The following CFAP58 variants were observed in gnomAD, a reference collection of about 807,000 sequenced individuals.
The protein encoded by CFAP58 is cilia- and flagella-associated protein 58.
A neutral mutation model predicts 119.5 loss-of-function variants in CFAP58; 88 were observed. The observed-to-expected ratio is 0.74, with a 90% CI of 0.62 to 0.88. CFAP58 has a LOEUF of 0.88. Among genes scored for constraint, CFAP58 ranks in the 40% least tolerant of loss-of-function variants. The pLI is 0.00. For missense variants in CFAP58, 990 were observed against 1,021.2 expected, an observed-to-expected ratio of 0.97 and a Z score of 0.42; for synonymous variants, 365 against 366.3, an observed-to-expected ratio of 1.00 and a Z score of 0.04.
chr10:104,378,898 A>G (rs964826713), intron 8 of CFAP58, among the ~76,000 whole-genome samples: 3 of 149,512 alleles, frequency 2.0e-5, no homozygotes, highest in Non-Finnish European at 4.4e-5. Flanking sequence ...AGCATCAGAA[A>G]TCTCCAGTGC....
chr10:104,433,252 T>G (rs2133081567), intron 15 of CFAP58, among the ~76,000 whole-genome samples: 1 of 152,336 alleles, frequency 6.6e-6, no homozygotes, highest in East Asian at 1.9e-4. Context: ...TGCCACAGCA[T>G]GTGCCTAATT....
At chr10:104,373,173 T>G (rs569417994) in intron 7 of CFAP58, among the ~76,000 whole-genome samples, 23 of 152,036 alleles carry the variant, frequency 1.5e-4, no homozygotes, top group African/African-American at 5.5e-4. Flanking sequence ...TACCAAGATA[T>G]CTGCAAGATC....
At chr10:104,350,928 C>T (rs1360035090), upstream of CFAP58, among the ~76,000 whole-genome samples, 1 of 152,204 alleles carries the variant, frequency 6.6e-6, no homozygotes, top group Non-Finnish European at 1.5e-5. Flanking sequence ...ATCCCTTGGA[C>T]ATGGGAAGAC....
At chr10:104,418,470 C>T (rs1039414556) in intron 15 of CFAP58, among the ~76,000 whole-genome samples, 3 of 152,178 alleles carry the variant, frequency 2.0e-5, no homozygotes, top group African/African-American at 7.2e-5. Flanking sequence ...ATGGAGTGAA[C>T]CCAGGAGGCG....
chr10:104,440,394 C>A (rs2013018717), intron 15 of CFAP58, among the ~76,000 whole-genome samples: 1 of 152,050 alleles, frequency 6.6e-6, no homozygotes, highest in Non-Finnish European at 1.5e-5. Context: ...GAATCCATTC[C>A]TGTGTTCCCG....
rs146328110 is a variant in CFAP58, at chr10:104,388,268, C to T, written c.1366-3965C>T. ...AAAGTACTAGTATTATGTAACGTGA[C>T]GTAGTGTAAACTATCATAATAATTT... On this transcript the variant is annotated intron_variant, in intron 9 of 17. Transcript: ENST00000369704. Among the ~76,000 whole-genome samples, 5 of 152,218 alleles carry T rather than the reference C, an allele frequency of 3.3e-5. No homozygotes were observed. The East Asian group carries it at 7.7e-4, about 23-fold the overall frequency.
At chr10:104,349,722 A>T (rs17116951), upstream of CFAP58, among the ~76,000 whole-genome samples, 1,658 of 152,310 alleles carry the variant, frequency 0.011, 36 homozygotes, top group African/African-American at 0.038. Flanking sequence ...TGACTAGGCC[A>T]TTAGTTACCA....
intron 15 of CFAP58, among the ~76,000 whole-genome samples, chr10:104,434,982 A>C (rs112361434): frequency 2.6e-5 from 4 of 152,294 alleles, no homozygotes; most frequent in African/African-American, 9.6e-5. Flanking sequence ...TTATAGACTT[A>C]TTATAAGGAT....
At chr10:104,356,726 T>C (rs1332789542) in intron 1 of CFAP58, among the ~76,000 whole-genome samples, 1 of 152,192 alleles carries the variant, frequency 6.6e-6, no homozygotes, top group African/African-American at 2.4e-5. Context: ...TGTGGGTTCA[T>C]AGAGAACTTT....
chr10:104,390,111 C>G (rs1351648781), intron 9 of CFAP58, among the ~76,000 whole-genome samples: 5 of 152,160 alleles, frequency 3.3e-5, no homozygotes, highest in African/African-American at 7.2e-5. Flanking sequence ...TTTGAGCCAG[C>G]TATTCTACTC....
At chr10:104,384,680 G>A (rs2011886447) in intron 9 of CFAP58, among the ~76,000 whole-genome samples, 1 of 152,226 alleles carries the variant, frequency 6.6e-6, no homozygotes, top group South Asian at 2.1e-4. Flanking sequence ...GCAGAGAAAA[G>A]GTTTGGCTTC....
intron 15 of CFAP58, among the ~76,000 whole-genome samples, chr10:104,418,122 G>A (rs539444681): frequency 6.6e-6 from 1 of 152,326 alleles, no homozygotes; most frequent in South Asian, 2.1e-4. Flanking sequence ...ATTCATTCAC[G>A]GAACATCACA....
intron 9 of CFAP58, among the ~76,000 whole-genome samples, chr10:104,391,617 T>G (rs1297561213): frequency 2.6e-5 from 4 of 152,210 alleles, no homozygotes; most frequent in African/African-American, 7.2e-5. Flanking sequence ...TGGTGGAATT[T>G]CAGGTGTTGG....
At chr10:104,358,179 A>G (rs2014619582) in intron 1 of CFAP58, among the ~76,000 whole-genome samples, 162 bp from the exon 2 acceptor site, 1 of 151,938 alleles carries the variant, frequency 6.6e-6, no homozygotes, top group Non-Finnish European at 1.5e-5. Context: ...CAGGGTCTGA[A>G]CAAGGACCTT....
At chr10:104,401,754 TTTTC>T (rs2012269311) in intron 13 of CFAP58, among the ~76,000 whole-genome samples, 2 of 147,296 alleles carry the variant, frequency 1.4e-5, no homozygotes, top group South Asian at 4.6e-4. Context: ...AATCAATACT[TTTTC>T]TTTTTTTTTT....
intron 2 of CFAP58, 52 bp downstream of exon 2, chr10:104,358,674 T>C (rs746973162): frequency 1.5e-5 from 23 of 1,546,544 alleles, no homozygotes; most frequent in Non-Finnish European, 2.0e-5. Context: ...CATCATTCTC[T>C]CATTATATTG....
chr10:104,355,384 C>G (rs1032539444), intron 1 of CFAP58, among the ~76,000 whole-genome samples: 13 of 152,218 alleles, frequency 8.5e-5, no homozygotes, highest in Admixed American at 8.5e-4. Flanking sequence ...GCCCAGGTGC[C>G]GGCCTCAGAA....
intron 6 of CFAP58, among the ~76,000 whole-genome samples, chr10:104,370,010 A>G (rs183656553): frequency 6.6e-6 from 1 of 152,328 alleles, no homozygotes; most frequent in African/African-American, 2.4e-5. Flanking sequence ...ATACTATGAA[A>G]TATCTGGTCC....
rs368123636 is a variant in CFAP58, at chr10:104,454,411, C to T, written c.2511-11C>T. On this transcript the variant is annotated splice_polypyrimidine_tract_variant and intron_variant, in intron 17 of 17. Coordinates refer to ENST00000369704, the MANE Select transcript of CFAP58 (RefSeq NM_001008723.2). ...TGTTAAGGAAGCTAACTTTCACCTC[C>T]TCTCTTACAGAAACAAGGACACAGC... 757 of 1,602,042 alleles carry T rather than the reference C, an allele frequency of 4.7e-4. No individual in the cohort carries two copies. Among genetic ancestry groups the T allele is most frequent in the Non-Finnish European group, 5.9e-4 (693 of 1,169,228 alleles).
Sources: gnomAD v4.1 joint callset for allele counts (sites outside exome capture counted in the v4.1 genomes callset) on GRCh38, gnomAD v4.1.1 for gene constraint, MANE v1.5 for transcripts, NCBI Gene and HGNC (gene_info 2026-07-23, HGNC 2026-07-21) for gene names.